NARS2: variants seen among roughly 807,000 people sequenced by gnomAD.
The protein encoded by NARS2 is asparaginyl-tRNA synthetase.
In NARS2, 60 loss-of-function variants were observed where a neutral mutation model predicts 62.9. The ratio of observed to expected loss-of-function variants is 0.95; its 90% CI spans 0.77 to 1.18. The LOEUF (loss-of-function observed/expected upper bound fraction) is 1.18. Ranked by LOEUF, NARS2 falls within the 50% of genes most tolerant of loss-of-function variation. NARS2 has a pLI of 0.00. For synonymous variants in NARS2, 196 were observed against 200.0 expected, an observed-to-expected ratio of 0.98 and a Z score of 0.17; for missense variants, 619 against 576.4, an observed-to-expected ratio of 1.07 and a Z score of -0.76.
intron 3 of NARS2, among the ~76,000 whole-genome samples, chr11:78,567,855 T>C (rs116235055): frequency 0.011 from 1,642 of 152,330 alleles, 32 homozygotes; most frequent in African/African-American, 0.039. Context: ...AGGATTCAAA[T>C]GGCTAGAATA....
chr11:78,475,317 A>T (rs1318370872), intron 9 of NARS2, among the ~76,000 whole-genome samples: 1 of 152,162 alleles, frequency 6.6e-6, no homozygotes, highest in Non-Finnish European at 1.5e-5. Context: ...ACTGATGGAC[A>T]CTTAGGTTGA....
chr11:78,473,999 C>T (rs1858982902), intron 9 of NARS2, among the ~76,000 whole-genome samples: 2 of 152,224 alleles, frequency 1.3e-5, no homozygotes, highest in African/African-American at 2.4e-5. Flanking sequence ...GAATCCTCAG[C>T]ATCACACCAA....
intron 9 of NARS2, among the ~76,000 whole-genome samples, chr11:78,475,865 T>C (rs538632503): frequency 6.6e-6 from 1 of 152,162 alleles, no homozygotes; most frequent in African/African-American, 2.4e-5. Context: ...CCTCCCAAAG[T>C]GCTGAGACTA....
intron 11 of NARS2, among the ~76,000 whole-genome samples, chr11:78,465,243 C>A (rs116198041): frequency 6.6e-6 from 1 of 152,242 alleles, no homozygotes; most frequent in Non-Finnish European, 1.5e-5. Flanking sequence ...CGCACTGGCC[C>A]GCAAGCACCG....
chr11:78,518,014 G>A (rs533106679), intron 6 of NARS2, among the ~76,000 whole-genome samples: 1 of 152,114 alleles, frequency 6.6e-6, no homozygotes, highest in Admixed American at 6.5e-5. Context: ...TATTAACATA[G>A]ACTTAACTCC....
chr11:78,503,714 C>G (rs1860374977), intron 6 of NARS2, among the ~76,000 whole-genome samples: 1 of 152,150 alleles, frequency 6.6e-6, no homozygotes, highest in Non-Finnish European at 1.5e-5. Context: ...GGTTTATGAA[C>G]ATAAAAGCAC....
chr11:78,531,672 G>A (rs570035379), intron 5 of NARS2, among the ~76,000 whole-genome samples: 1 of 152,212 alleles, frequency 6.6e-6, no homozygotes, highest in Non-Finnish European at 1.5e-5. Flanking sequence ...ATATCATTCA[G>A]CCATAAGGAA....
chr11:78,574,419 G>A lies in NARS2; in HGVS notation c.70C>T (p.Pro24Ser). The A allele has an allele frequency of 6.2e-7, 1 of 1,614,200 alleles. No individual in the cohort carries two copies. The highest frequency in any genetic ancestry group is 1.7e-5 in the Admixed American group (1 of 60,032). ...CSSAPFPKHK[P>S]SAKLSVRDAL... ...TCCCGCACGCTCAGTTTGGCTGAAGGTTTGTGCTTGGGGAAGGGGGCGGAG... is the reference window on the plus strand; with the variant it reads ...TCCCGCACGCTCAGTTTGGCTGAAGATTTGTGCTTGGGGAAGGGGGCGGAG... The change falls in exon 1 of 14, where the codon CCT (proline) becomes TCT (serine). Residue 24 changes from proline to serine, a missense_variant. Coordinates refer to ENST00000281038, the MANE Select transcript of NARS2 (RefSeq NM_024678.6).
At chr11:78,532,810 A>G (rs374353808) in intron 5 of NARS2, among the ~76,000 whole-genome samples, 1 of 152,192 alleles carries the variant, frequency 6.6e-6, no homozygotes. Flanking sequence ...AATTTTAAAT[A>G]TATCTTTCCT....
In NARS2 at chr11:78,465,971, T is replaced by G. The variant is rs1252730032; in HGVS notation, c.1069A>C (p.Lys357Gln). The change falls in exon 11 of 14, where the codon AAG (lysine) becomes CAG (glutamine). Residue 357 changes from lysine to glutamine, a missense_variant. Physicochemically the swap from Lys to Gln is moderately conservative, Grantham distance 53 (BLOSUM62 1). Coordinates refer to ENST00000281038, the MANE Select transcript of NARS2 (RefSeq NM_024678.6). ...AAGACAGGTATGTTGCCACAGTGCT[T>G]CACCAGGTACTTTTCATGTTCAGTC... is the stretch of plus-strand genomic sequence containing the variant. ...LRTEHEKYLV[K>Q]HCGNIPVFVI... is the part of the protein sequence containing the mutation. 8.1e-6 allele frequency: 13 copies of G among 1,613,540 alleles called. No individual in the cohort carries two copies. The highest frequency in any genetic ancestry group is 1.1e-5 in the Non-Finnish European group (13 of 1,179,784).
chr11:78,559,037 G>C (rs1016212121), intron 5 of NARS2, among the ~76,000 whole-genome samples: 3 of 152,068 alleles, frequency 2.0e-5, no homozygotes, highest in Non-Finnish European at 2.9e-5. Context: ...AGGCATGGTG[G>C]CTCACACCTG....
intron 10 of NARS2, among the ~76,000 whole-genome samples, chr11:78,467,004 T>C (rs1169554862): frequency 6.6e-6 from 1 of 152,188 alleles, no homozygotes; most frequent in African/African-American, 2.4e-5. Flanking sequence ...ACACAAAGAA[T>C]TGATCATAAA....
chr11:78,442,550 T>C (rs1445081141), intron 12 of NARS2, among the ~76,000 whole-genome samples: 1 of 151,998 alleles, frequency 6.6e-6, no homozygotes, highest in African/African-American at 2.4e-5. Context: ...TAAACAATTA[T>C]GGCTTTTCCA....
intron 11 of NARS2, among the ~76,000 whole-genome samples, chr11:78,463,359 C>T (rs931875425): frequency 2.0e-5 from 3 of 152,086 alleles, no homozygotes; most frequent in African/African-American, 7.2e-5. Flanking sequence ...TATACCTGGC[C>T]ATGTTATAGC....
At chr11:78,520,932 C>A (rs768918340) in intron 6 of NARS2, among the ~76,000 whole-genome samples, 1 of 151,780 alleles carries the variant, frequency 6.6e-6, no homozygotes, top group Non-Finnish European at 1.5e-5. Flanking sequence ...GTGGTGGACA[C>A]CTGTAATCCC....
chr11:78,525,635 T>C (rs1013506009), intron 6 of NARS2, among the ~76,000 whole-genome samples: 1 of 151,914 alleles, frequency 6.6e-6, no homozygotes, highest in Non-Finnish European at 1.5e-5. Context: ...TTCCAAACAT[T>C]CTCCCTCCTG....
At chr11:78,550,370 TG>T (rs1298791444) in intron 5 of NARS2, among the ~76,000 whole-genome samples, 2 of 152,238 alleles carry the variant, frequency 1.3e-5, no homozygotes, top group Non-Finnish European at 2.9e-5. Flanking sequence ...TCTTGTTCTT[TG>T]TTTATATTTC....
In NARS2 at chr11:78,499,676, A is replaced by G. The variant is rs564300572; in HGVS notation, c.690-6481T>C. 2.1e-4 allele frequency among the ~76,000 whole-genome samples: 32 copies of G among 152,318 alleles called. No homozygotes were observed. The South Asian group carries it at 5.4e-3, about 26-fold the overall frequency. On this transcript the variant is annotated intron_variant, in intron 6 of 13. Coordinates refer to ENST00000281038, the MANE Select transcript of NARS2 (RefSeq NM_024678.6). ...AATTAGAACAAATTTTAAATTAACT[A>G]TAACATTACTACAAGAAAATAATTA... is the stretch of plus-strand genomic sequence containing the variant.
chr11:78,561,849 C>G (rs1856567062), intron 4 of NARS2, among the ~76,000 whole-genome samples: 2 of 152,020 alleles, frequency 1.3e-5, no homozygotes, highest in South Asian at 4.2e-4. Context: ...CACCTGAGGT[C>G]AGGAGTTTGA....
Sources: allele counts gnomAD v4.1 joint callset (sites outside exome capture counted in the v4.1 genomes callset), GRCh38; gene constraint gnomAD v4.1.1; transcripts MANE v1.5; gene names NCBI Gene and HGNC (gene_info 2026-07-23, HGNC 2026-07-21).